DNAH11: variants seen among roughly 807,000 people sequenced by gnomAD.
The protein encoded by DNAH11 is dynein axonemal heavy chain 11.
In DNAH11, 442 loss-of-function variants were observed where a neutral mutation model predicts 526.0. The ratio of observed to expected loss-of-function variants is 0.84; its 90% CI spans 0.78 to 0.91. The LOEUF (loss-of-function observed/expected upper bound fraction) is 0.91, where lower values mean the gene tolerates loss of function less well. DNAH11 is among the 40% of genes least tolerant of loss of function. The pLI is 0.00. For synonymous variants in DNAH11, 2,461 were observed against 1,935.9 expected (o/e 1.27, Z -7.12); for missense variants, 6,989 against 5,448.7 (o/e 1.28, Z -8.90).
At chr7:21,861,322 G>A (rs960568594) in intron 68 of DNAH11, among the ~76,000 whole-genome samples, 2 of 152,158 alleles carry the variant, frequency 1.3e-5, no homozygotes, top group African/African-American at 4.8e-5. Context: ...TCATCACATT[G>A]TGTTGTACTT....
chr7:21,743,481 A>G (rs1422590041), intron 49 of DNAH11, among the ~76,000 whole-genome samples: 1 of 152,184 alleles, frequency 6.6e-6, no homozygotes, highest in Non-Finnish European at 1.5e-5. Context: ...GTAAAAATGG[A>G]TGGCTGAAAT....
At chr7:21,545,854 C>G (rs970217528) in intron 2 of DNAH11, among the ~76,000 whole-genome samples, 1 of 152,184 alleles carries the variant, frequency 6.6e-6, no homozygotes, top group Non-Finnish European at 1.5e-5. Context: ...GCCAAATAAC[C>G]AGGTTCCATG....
chr7:21,862,074 C>G, intron 69 of DNAH11, 51 bp downstream of exon 69: 2 of 1,504,136 alleles, frequency 1.3e-6, no homozygotes, highest in Admixed American at 2.3e-5. Context: ...AAGGCAGATG[C>G]CTCTGTTTAT....
At chr7:21,563,727 G>A (rs2128433137) in intron 5 of DNAH11, among the ~76,000 whole-genome samples, 1 of 152,192 alleles carries the variant, frequency 6.6e-6, no homozygotes, top group South Asian at 2.1e-4. Flanking sequence ...ATCATTGCAT[G>A]AGTTACTGTC....
chr7:21,669,419 C>T (rs1782550516), intron 30 of DNAH11, among the ~76,000 whole-genome samples: 2 of 152,162 alleles, frequency 1.3e-5, no homozygotes, highest in Admixed American at 6.5e-5. Context: ...GATCCTCCTG[C>T]CTCGGCCTCC....
intron 28 of DNAH11, among the ~76,000 whole-genome samples, chr7:21,646,222 C>A (rs1019020708): frequency 2.0e-5 from 3 of 152,138 alleles, no homozygotes; most frequent in Non-Finnish European, 1.5e-5. Context: ...AAAACCACAA[C>A]AAGATGAGAT....
intron 54 of DNAH11, among the ~76,000 whole-genome samples, chr7:21,755,448 T>C (rs1346929847): frequency 6.6e-6 from 1 of 152,204 alleles, no homozygotes; most frequent in Non-Finnish European, 1.5e-5. Flanking sequence ...ACTTGATTTA[T>C]GTAGCAGCCC....
In DNAH11 at chr7:21,749,681, G is replaced by A; in HGVS notation, c.8677G>A (p.Asp2893Asn). 1 of 1,613,934 alleles carries A rather than the reference G, an allele frequency of 6.2e-7. No homozygotes were observed. The highest frequency in any genetic ancestry group is 1.1e-5 in the South Asian group (1 of 91,058). Residue 2893 changes from aspartate to asparagine, a missense_variant, in exon 53 of 82, where the codon GAT becomes AAT. Asp to Asn is a conservative substitution (Grantham distance 23). Coordinates refer to ENST00000409508, the MANE Select transcript of DNAH11 (RefSeq NM_001277115.2). Reference protein sequence around the residue: ...EGYGIQELRVDLANLYIRTGA... With the variant: ...EGYGIQELRVNLANLYIRTGA... ...GAGTGATGGCCTTTCCTTACAGGTAGATCTTGCCAATTTGTACATCCGAAC... is the reference window on the plus strand; with the variant it reads ...GAGTGATGGCCTTTCCTTACAGGTAAATCTTGCCAATTTGTACATCCGAAC...
chr7:21,597,494 A>G (rs2128445764), intron 14 of DNAH11, among the ~76,000 whole-genome samples: 1 of 152,344 alleles, frequency 6.6e-6, no homozygotes, highest in South Asian at 2.1e-4. Flanking sequence ...TCGCAGTTCT[A>G]GATGGCTGGG....
At chr7:21,858,566 C>T (rs188085363) in intron 68 of DNAH11, among the ~76,000 whole-genome samples, 7 of 152,250 alleles carry the variant, frequency 4.6e-5, no homozygotes, top group Admixed American at 1.3e-4. Context: ...CACACAACAA[C>T]GTGGATATGT....
intron 59 of DNAH11, 63 bp from the exon 60 acceptor site, chr7:21,787,338 T>A: frequency 1.3e-6 from 2 of 1,510,974 alleles, no homozygotes; most frequent in Non-Finnish European, 1.8e-6. Flanking sequence ...TTTTAACTTT[T>A]GATCTTGGAA....
intron 49 of DNAH11, among the ~76,000 whole-genome samples, chr7:21,743,536 CA>C (rs1360683747): frequency 1.3e-5 from 2 of 152,088 alleles, no homozygotes; most frequent in Non-Finnish European, 2.9e-5. Context: ...ACGAAAACTC[CA>C]TAGGACCTCT....
intron 28 of DNAH11, among the ~76,000 whole-genome samples, chr7:21,643,270 C>T (rs78666441): frequency 2.0e-3 from 309 of 152,290 alleles, no homozygotes; most frequent in African/African-American, 7.2e-3. Flanking sequence ...TACCCTTTTG[C>T]ACCCTTTCAG....
intron 30 of DNAH11, among the ~76,000 whole-genome samples, chr7:21,666,768 T>G (rs1782435528): frequency 6.6e-6 from 1 of 150,842 alleles, no homozygotes; most frequent in African/African-American, 2.5e-5. Context: ...TTTTTTTTTT[T>G]GGCCTTTATA....
At chr7:21,811,443 G>A (rs1789516118) in intron 63 of DNAH11, among the ~76,000 whole-genome samples, 1 of 141,282 alleles carries the variant, frequency 7.1e-6, no homozygotes, top group Admixed American at 7.5e-5. Context: ...GTGACAGAGT[G>A]AGATGCCATC....
At chr7:21,840,501 A>G (rs968616729) in intron 65 of DNAH11, among the ~76,000 whole-genome samples, 7 of 152,190 alleles carry the variant, frequency 4.6e-5, no homozygotes, top group African/African-American at 1.7e-4. Context: ...TGCTGCAGCC[A>G]TGCCTCTAGG....
At chr7:21,874,367 C>T (rs1389305380) in intron 74 of DNAH11, among the ~76,000 whole-genome samples, 3 of 150,540 alleles carry the variant, frequency 2.0e-5, no homozygotes, top group Non-Finnish European at 4.4e-5. Flanking sequence ...CAGAGTTTTG[C>T]TCTTGTCGCC....
chr7:21,899,900 A>G, intron 80 of DNAH11, 80 bp from the exon 81 acceptor site: 1 of 1,531,308 alleles, frequency 6.5e-7, no homozygotes, highest in African/African-American at 1.4e-5. Flanking sequence ...GGACTAAAGG[A>G]TGCCTCAATT....
At chr7:21,597,625 A>G (rs943459570) in intron 14 of DNAH11, among the ~76,000 whole-genome samples, 6 of 152,060 alleles carry the variant, frequency 3.9e-5, no homozygotes, top group African/African-American at 1.4e-4. Flanking sequence ...ACCAGATCTC[A>G]TGAGAATTCT....
Sources: allele counts gnomAD v4.1 joint callset (sites outside exome capture counted in the v4.1 genomes callset), GRCh38; gene constraint gnomAD v4.1.1; transcripts MANE v1.5; gene names NCBI Gene and HGNC (gene_info 2026-07-23, HGNC 2026-07-21).